Variants in EMP2 observed in about 807,000 individuals in gnomAD.
EMP2 encodes epithelial membrane protein 2.
In EMP2, 19 loss-of-function variants were observed where a neutral mutation model predicts 13.7. The observed-to-expected ratio is 1.38, with a 90% CI of 0.97 to 2.03. EMP2 has a LOEUF of 2.03. Ranked by LOEUF, EMP2 falls within the 30% of genes most tolerant of loss-of-function variation. The pLI, the probability that EMP2 is intolerant of heterozygous loss-of-function variation, is 0.00. For synonymous variants in EMP2, 97 were observed against 84.7 expected, an observed-to-expected ratio of 1.15 and a Z score of -0.80; for missense variants, 253 against 220.7, an observed-to-expected ratio of 1.15 and a Z score of -0.93.
chr16:10,538,272 T>C lies in EMP2; in HGVS notation c.170-198A>G, dbSNP rs2279869. ...CCCTGCCCCTCACCTCCAGTGTCCA[T>C]TTGACTGGACAATCCTCGACCCCTT... On this transcript the variant is annotated intron_variant, in intron 3 of 4. Coordinates refer to ENST00000359543, the MANE Select transcript of EMP2 (RefSeq NM_001424.6). Among the ~76,000 whole-genome samples, 61,443 of 152,048 alleles carry C rather than the reference T, an allele frequency of 0.4. 14,017 individuals carry two copies. The highest frequency in any genetic ancestry group is 0.56 in the East Asian group (2,883 of 5,144).
At chr16:10,575,237 CTTTTTTTTTTTTTTTTTTTT>C (rs761837614) in intron 1 of EMP2, among the ~76,000 whole-genome samples, 18 of 52,500 alleles carry the variant, frequency 3.4e-4, no homozygotes, top group Non-Finnish European at 4.4e-4. Flanking sequence ...AGCTTGCATT[CTTTTTTTTTTTTTTTTTTTT>C]TTTTTTTTTT....
rs991658504 is a variant in EMP2 at position 10,567,899 on chromosome 16, C to T, written c.-61+12650G>A. 2.6e-5 allele frequency among the ~76,000 whole-genome samples: 4 copies of T among 152,194 alleles called. No individual in the cohort carries two copies. In the South Asian group the frequency reaches 6.2e-4, roughly 24 times the overall value. On this transcript the variant is annotated intron_variant, in intron 1 of 4. Coordinates refer to ENST00000359543, the MANE Select transcript of EMP2 (RefSeq NM_001424.6). ...TTGTCTGCTTGGGTTCACTGCAATC[C>T]CCATTTTATAGATGAGAAAACGGAG...
intron 1 of EMP2, among the ~76,000 whole-genome samples, chr16:10,579,967 T>C (rs188299575): frequency 1.4e-3 from 210 of 152,288 alleles, no homozygotes; most frequent in African/African-American, 5.0e-3. Context: ...GTCTCGCCTC[T>C]TTAAAGCCCC....
At chr16:10,571,214 G>A (rs1159923617) in intron 1 of EMP2, among the ~76,000 whole-genome samples, 7 of 131,648 alleles carry the variant, frequency 5.3e-5, no homozygotes, top group Non-Finnish European at 9.2e-5. Flanking sequence ...CTGAGATCGC[G>A]CCACTGCACT....
intron 1 of EMP2, among the ~76,000 whole-genome samples, chr16:10,548,508 C>A (rs2050757113): frequency 2.6e-5 from 4 of 152,078 alleles, no homozygotes; most frequent in Non-Finnish European, 5.9e-5. Flanking sequence ...GCTTGGGCAA[C>A]AGAGCAAAAC....
At chr16:10,552,845 T>TCAGATGG (rs113116590) in intron 1 of EMP2, among the ~76,000 whole-genome samples, 1,629 of 152,292 alleles carry the variant, frequency 0.011, 32 homozygotes, top group African/African-American at 0.037. Context: ...GGGAATGGTT[T>TCAGATGG]CAGATGGACA....
chr16:10,545,717 A>G (rs1172494962), intron 2 of EMP2: 1 of 152,230 alleles, frequency 6.6e-6, no homozygotes, highest in East Asian at 1.9e-4. Context: ...AAAATGTAAT[A>G]ATAATAAAGT....
chr16:10,570,554 C>A (rs188880565), intron 1 of EMP2, among the ~76,000 whole-genome samples: 1 of 152,140 alleles, frequency 6.6e-6, no homozygotes, highest in Non-Finnish European at 1.5e-5. Context: ...TGTGCCACCA[C>A]ACCTGGCTAA....
chr16:10,577,820 C>T (rs917681929), intron 1 of EMP2, among the ~76,000 whole-genome samples: 34 of 151,908 alleles, frequency 2.2e-4, no homozygotes, highest in Middle Eastern at 3.2e-3. Context: ...GGGTAAGTAA[C>T]GTCACCGCCT....
At chr16:10,541,569 C>A (rs2050699090) in intron 3 of EMP2, among the ~76,000 whole-genome samples, 1 of 152,166 alleles carries the variant, frequency 6.6e-6, no homozygotes, top group Non-Finnish European at 1.5e-5. Context: ...AGAAAAACAG[C>A]CACAGAGCAC....
intron 4 of EMP2, 45 bp from the exon 5 acceptor site, chr16:10,533,137 T>G: frequency 6.8e-7 from 1 of 1,472,232 alleles, no homozygotes; most frequent in Non-Finnish European, 9.1e-7. Context: ...TGGACCACAG[T>G]GCACCCTGGG....
At chr16:10,534,064 G>A (rs535045447) in intron 4 of EMP2, among the ~76,000 whole-genome samples, 1 of 151,694 alleles carries the variant, frequency 6.6e-6, no homozygotes, top group Non-Finnish European at 1.5e-5. Context: ...GCAGTGAGCC[G>A]AGATCGCACC....
chr16:10,577,654 C>G (rs1295373230), intron 1 of EMP2, among the ~76,000 whole-genome samples: 1 of 152,100 alleles, frequency 6.6e-6, no homozygotes, highest in Non-Finnish European at 1.5e-5. Context: ...CCTCTTCCTT[C>G]ATTCCAGCTG....
intron 4 of EMP2, 24 bp from the exon 5 acceptor site, chr16:10,533,116 T>A: frequency 6.5e-7 from 1 of 1,529,836 alleles, no homozygotes; most frequent in Non-Finnish European, 8.8e-7. Context: ...AGGTGAATTT[T>A]CAATAAATCA....
At chr16:10,543,775 T>C in intron 2 of EMP2, 115 bp from the exon 3 acceptor site, 1 of 955,520 alleles carries the variant, frequency 1.0e-6, no homozygotes, top group Non-Finnish European at 1.7e-6. Flanking sequence ...GCAACACATG[T>C]GAGAATTGCC....
chr16:10,553,769 C>T (rs1057325328), intron 1 of EMP2, among the ~76,000 whole-genome samples: 4 of 152,212 alleles, frequency 2.6e-5, no homozygotes, highest in Admixed American at 2.6e-4. Context: ...TATTGGTAGC[C>T]ATTTAGGTCG....
At chr16:10,560,903 G>T (rs2050866935) in intron 1 of EMP2, among the ~76,000 whole-genome samples, 1 of 152,218 alleles carries the variant, frequency 6.6e-6, no homozygotes, top group African/African-American at 2.4e-5. Flanking sequence ...GGGCCTTGGA[G>T]ACCACACAAA....
At chr16:10,548,752 C>A (rs2050759404) in intron 1 of EMP2, among the ~76,000 whole-genome samples, 1 of 151,984 alleles carries the variant, frequency 6.6e-6, no homozygotes, top group Non-Finnish European at 1.5e-5. Context: ...ACTCAGACAC[C>A]ATTCTTCTTA....
intron 1 of EMP2, among the ~76,000 whole-genome samples, chr16:10,565,379 G>A (rs1330484431): frequency 6.6e-6 from 1 of 152,130 alleles, no homozygotes; most frequent in East Asian, 1.9e-4. Context: ...TCAGTTGAAG[G>A]CCTGGTAGAA....
Sources: allele counts gnomAD v4.1 joint callset (sites outside exome capture counted in the v4.1 genomes callset), GRCh38; gene constraint gnomAD v4.1.1; transcripts MANE v1.5; gene names NCBI Gene and HGNC (gene_info 2026-07-23, HGNC 2026-07-21).